The following LCLAT1 variants were observed in gnomAD, a reference collection of about 807,000 sequenced individuals.
The protein encoded by LCLAT1 is 1-AGP acyltransferase 8.
In LCLAT1, 11 loss-of-function variants were observed where a neutral mutation model predicts 30.7. The ratio of observed to expected loss-of-function variants is 0.36; its 90% CI spans 0.23 to 0.59. The LOEUF (loss-of-function observed/expected upper bound fraction) is 0.59, where lower values mean the gene tolerates loss of function less well. LCLAT1 is among the 20% of genes least tolerant of loss of function. The probability of loss-of-function intolerance (pLI) is 0.77; values close to 1 mark genes in which losing one functional copy is unlikely to be tolerated. For synonymous variants in LCLAT1, 155 were observed against 151.3 expected (o/e 1.02, Z -0.18); for missense variants, 402 against 458.6 (o/e 0.88, Z 1.13).
chr2:30,568,698 G>C (rs1036209485), intron 5 of LCLAT1, among the ~76,000 whole-genome samples: 4 of 149,984 alleles, frequency 2.7e-5, no homozygotes, highest in African/African-American at 9.8e-5. Context: ...CAGTAGAGAG[G>C]GGGTTTCAAC....
At chr2:30,558,422 A>G (rs1264577154) in intron 3 of LCLAT1, among the ~76,000 whole-genome samples, 1 of 152,080 alleles carries the variant, frequency 6.6e-6, no homozygotes, top group Non-Finnish European at 1.5e-5. Context: ...CAACATGGCA[A>G]AACCCCGTCT....
At chr2:30,561,130 A>G (rs1665198760) in intron 3 of LCLAT1, among the ~76,000 whole-genome samples, 1 of 151,972 alleles carries the variant, frequency 6.6e-6, no homozygotes, top group Non-Finnish European at 1.5e-5. Flanking sequence ...TTTAGTAGAG[A>G]TAGGGTTTCA....
chr2:30,533,821 T>G (rs1417611426), intron 3 of LCLAT1, among the ~76,000 whole-genome samples: 1 of 152,154 alleles, frequency 6.6e-6, no homozygotes, highest in Non-Finnish European at 1.5e-5. Flanking sequence ...AATATTAAAG[T>G]TCCTGGAAAT....
chr2:30,542,252 C>A (rs548965401), intron 3 of LCLAT1, among the ~76,000 whole-genome samples: 1 of 152,158 alleles, frequency 6.6e-6, no homozygotes, highest in East Asian at 1.9e-4. Context: ...TCTTATTGTT[C>A]TTTCTTTGTC....
rs141456544 is a variant in LCLAT1 at position 30,503,612 on chromosome 2, G to A, written c.-4-21975G>A. ...ACATCTTGAAAGGAAACTTTGTGTA[G>A]TAACAGGAAATTGTTGAAATATAGT... On this transcript the variant is annotated intron_variant, in intron 1 of 5. Coordinates refer to ENST00000379509, the MANE Select transcript of LCLAT1 (RefSeq NM_001002257.3). Among the ~76,000 whole-genome samples the A allele has an allele frequency of 9.6e-3, 1,468 of 152,292 alleles. 19 individuals are homozygous for A. Among genetic ancestry groups the A allele is most frequent in the African/African-American group, 0.033 (1,366 of 41,556 alleles).
intron 1 of LCLAT1, among the ~76,000 whole-genome samples, chr2:30,503,823 G>A (rs535406231): frequency 1.2e-4 from 18 of 152,282 alleles, no homozygotes; most frequent in African/African-American, 3.6e-4. Context: ...CAAGAAGTCC[G>A]CTTCTTTATG....
At chr2:30,563,309 CTT>C (rs1425299520) in intron 4 of LCLAT1, among the ~76,000 whole-genome samples, 1 of 152,134 alleles carries the variant, frequency 6.6e-6, no homozygotes, top group African/African-American at 2.4e-5. Context: ...AGTTTTCACA[CTT>C]TTTAAACCAT....
At chr2:30,560,828 T>C (rs1284191567) in intron 3 of LCLAT1, among the ~76,000 whole-genome samples, 1 of 152,240 alleles carries the variant, frequency 6.6e-6, no homozygotes, top group Non-Finnish European at 1.5e-5. Context: ...TGGATTCTCA[T>C]GGATATCCAA....
At chr2:30,629,346 G>T (rs960594813) in intron 5 of LCLAT1, among the ~76,000 whole-genome samples, 1 of 152,096 alleles carries the variant, frequency 6.6e-6, no homozygotes, top group Non-Finnish European at 1.5e-5. Flanking sequence ...GATCACCTGA[G>T]GTCCGGAGTT....
At chr2:30,539,942 AC>A (rs1664049772) in intron 3 of LCLAT1, among the ~76,000 whole-genome samples, 5 of 152,200 alleles carry the variant, frequency 3.3e-5, no homozygotes, top group Admixed American at 2.0e-4. Context: ...AAATTATGAA[AC>A]CTGGTCTGTT....
intron 5 of LCLAT1, among the ~76,000 whole-genome samples, chr2:30,629,225 G>A (rs548274512): frequency 6.6e-6 from 1 of 152,222 alleles, no homozygotes; most frequent in East Asian, 1.9e-4. Context: ...TTACCACAGT[G>A]TTTTTCCAAT....
intron 5 of LCLAT1, among the ~76,000 whole-genome samples, chr2:30,574,058 C>G (rs151318357): frequency 6.6e-6 from 1 of 152,130 alleles, no homozygotes; most frequent in East Asian, 1.9e-4. Flanking sequence ...ACGGGAATCG[C>G]TTGAACCTGG....
rs543946337 is a variant in LCLAT1, at chr2:30,642,598, G to C, written c.*1979G>C. 9.2e-5 allele frequency: 14 copies of C among 151,818 alleles called. No homozygotes were observed. The highest frequency in any genetic ancestry group is 1.6e-4 in the Non-Finnish European group (11 of 67,948). 9.4% of individuals were successfully genotyped at this position (151,818 alleles called of 1,614,324 possible). A position where few individuals can be genotyped will look rare whatever the true frequency, so the allele number is the denominator to read the frequency against. On this transcript the variant is annotated 3_prime_UTR_variant, in exon 6 of 6. Coordinates refer to ENST00000379509, the MANE Select transcript of LCLAT1 (RefSeq NM_001002257.3). ...CCCCAAAGTTGTTGGTAATGGAGCC[G>C]GTCTGCCCTTCCTACAAACTCAAGA...
intron 3 of LCLAT1, among the ~76,000 whole-genome samples, chr2:30,558,632 A>G (rs1665049189): frequency 6.7e-6 from 1 of 148,940 alleles, no homozygotes; most frequent in Admixed American, 6.7e-5. Flanking sequence ...GTCCAGCATT[A>G]TTGTATAGGA....
intron 5 of LCLAT1, among the ~76,000 whole-genome samples, chr2:30,581,540 T>G (rs1666212996): frequency 6.6e-6 from 1 of 152,118 alleles, no homozygotes; most frequent in African/African-American, 2.4e-5. Context: ...TAAAGAAAAT[T>G]TGGTGTGTAA....
chr2:30,483,095 T>G (rs1324679432), intron 1 of LCLAT1, among the ~76,000 whole-genome samples: 1 of 152,198 alleles, frequency 6.6e-6, no homozygotes, highest in Non-Finnish European at 1.5e-5. Flanking sequence ...TAATATTGCT[T>G]CATTAGTTGT....
intron 1 of LCLAT1, among the ~76,000 whole-genome samples, chr2:30,464,562 T>C (rs1244921105): frequency 6.6e-6 from 1 of 152,146 alleles, no homozygotes; most frequent in African/African-American, 2.4e-5. Context: ...GAAAGAACGC[T>C]CTGTTTTTAT....
At chr2:30,460,921 G>T (rs571109099) in intron 1 of LCLAT1, among the ~76,000 whole-genome samples, 2 of 152,262 alleles carry the variant, frequency 1.3e-5, no homozygotes, top group South Asian at 2.1e-4. Context: ...ATGACACCTG[G>T]ATTTCTTCAG....
chr2:30,469,189 T>G (rs1013389092), intron 1 of LCLAT1, among the ~76,000 whole-genome samples: 1 of 152,286 alleles, frequency 6.6e-6, no homozygotes, highest in South Asian at 2.1e-4. Context: ...TTCTGTGGGT[T>G]GTCTTTTCAT....
Sources: gnomAD v4.1 joint callset for allele counts (sites outside exome capture counted in the v4.1 genomes callset) on GRCh38, gnomAD v4.1.1 for gene constraint, MANE v1.5 for transcripts, NCBI Gene and HGNC (gene_info 2026-07-23, HGNC 2026-07-21) for gene names.